The following LRP1B variants were observed in gnomAD, a reference collection of about 807,000 sequenced individuals.
LRP1B encodes low-density lipoprotein receptor-related protein 1B.
A neutral mutation model predicts 556.6 loss-of-function variants in LRP1B; 217 were observed. That is an observed-to-expected ratio of 0.39 (90% CI 0.35 to 0.44). LRP1B has a LOEUF of 0.44. Ranked by LOEUF, LRP1B falls within the 20% of genes least tolerant of loss-of-function variation. The pLI, the probability that LRP1B is intolerant of heterozygous loss-of-function variation, is 1.00. For synonymous variants in LRP1B, 2,047 were observed against 1,865.8 expected (o/e 1.10, Z -2.50); for missense variants, 5,053 against 5,620.8 (o/e 0.90, Z 3.23).
At chr2:141,599,803 G>GTTAA (rs1427334739) in intron 2 of LRP1B, among the ~76,000 whole-genome samples, 3 of 152,118 alleles carry the variant, frequency 2.0e-5, no homozygotes, top group Admixed American at 2.0e-4. Flanking sequence ...ATAAAACAAA[G>GTTAA]TTAACCCTCT....
Position 140,456,557 on chromosome 2 carries a change from C to T in LRP1B, c.9861G>A (p.Leu3287=), listed in dbSNP as rs143285554. The change falls in exon 62 of 91, where the codon TTG becomes TTA. Residue 3287 remains leucine, a synonymous_variant. Coordinates refer to ENST00000389484, the MANE Select transcript of LRP1B (RefSeq NM_018557.3). ...GGGTTTTTCCAGGGGCTAAAAGGCA[C>T]AAATGACTGCAACCACCATTATTTA... The part of the protein sequence containing the change: ...CMINNGGCSH[L]CLLAPGKTHT... 6.2e-7 allele frequency: 1 copy of T among 1,612,758 alleles called. No homozygotes were observed. Among genetic ancestry groups the T allele is most frequent in the African/African-American group, 1.3e-5 (1 of 75,010 alleles).
intron 1 of LRP1B, among the ~76,000 whole-genome samples, chr2:141,873,948 G>T (rs1269198221): frequency 6.6e-6 from 1 of 151,776 alleles, no homozygotes; most frequent in Non-Finnish European, 1.5e-5. Flanking sequence ...GCCAGATCAA[G>T]ACATACAATA....
At chr2:140,703,777 T>C (rs1274975947) in intron 37 of LRP1B, among the ~76,000 whole-genome samples, 1 of 152,156 alleles carries the variant, frequency 6.6e-6, no homozygotes, top group Non-Finnish European at 1.5e-5. Flanking sequence ...TGCTTGCTTT[T>C]CTGTTCCTGC....
chr2:141,107,035 T>C (rs1700621787), intron 7 of LRP1B, among the ~76,000 whole-genome samples: 1 of 152,162 alleles, frequency 6.6e-6, no homozygotes, highest in Non-Finnish European at 1.5e-5. Flanking sequence ...AACCAATATA[T>C]ATATTCAGTG....
At chr2:140,541,305 T>C (rs1193205508) in intron 44 of LRP1B, among the ~76,000 whole-genome samples, 3 of 152,212 alleles carry the variant, frequency 2.0e-5, no homozygotes, top group African/African-American at 7.2e-5. Context: ...TTCTAACACA[T>C]TTGATACCAC....
chr2:141,910,319 G>C (rs1699875746), intron 1 of LRP1B, among the ~76,000 whole-genome samples: 1 of 151,978 alleles, frequency 6.6e-6, no homozygotes, highest in East Asian at 1.9e-4. Context: ...TTAATGTACT[G>C]CCAAACTGAC....
chr2:140,392,934 T>C (rs1412376704), intron 66 of LRP1B, among the ~76,000 whole-genome samples: 2 of 147,508 alleles, frequency 1.4e-5, no homozygotes, highest in African/African-American at 4.9e-5. Context: ...ATATATAACT[T>C]TTTTTTTTTT....
At chr2:142,045,737 G>A (rs1185056808) in intron 1 of LRP1B, among the ~76,000 whole-genome samples, 1 of 151,766 alleles carries the variant, frequency 6.6e-6, no homozygotes, top group Non-Finnish European at 1.5e-5. Flanking sequence ...TGATCTAATT[G>A]TTCTCATTTT....
chr2:141,838,485 T>C (rs867879741), intron 1 of LRP1B, among the ~76,000 whole-genome samples: 20 of 152,194 alleles, frequency 1.3e-4, no homozygotes, highest in African/African-American at 4.6e-4. Flanking sequence ...GATTTCTTTT[T>C]GCATTTGGGA....
chr2:140,982,818 T>C (rs1382240625), intron 17 of LRP1B, among the ~76,000 whole-genome samples: 1 of 151,904 alleles, frequency 6.6e-6, no homozygotes, highest in East Asian at 1.9e-4. Context: ...GCAGTGAGAG[T>C]GCAGAGAATA....
chr2:141,479,921 T>C (rs1307521862), intron 3 of LRP1B, among the ~76,000 whole-genome samples: 1 of 152,194 alleles, frequency 6.6e-6, no homozygotes. Flanking sequence ...AAGTTAACAG[T>C]CTAATATCAT....
chr2:141,684,722 T>C lies in LRP1B; in HGVS notation c.205+125557A>G, dbSNP rs908143025. On this transcript the variant is annotated intron_variant, in intron 2 of 90. Transcript: ENST00000389484. ...AAGATGGGATTATTTAGGAAAGCTC[T>C]TTGGAGGGGCCTCTTGACTAATGGA... is the stretch of plus-strand genomic sequence containing the variant. Among the ~76,000 whole-genome samples the C allele has an allele frequency of 3.3e-5, 5 of 152,084 alleles. 1 individual carries two copies. Among genetic ancestry groups the C allele is most frequent in the African/African-American group, 9.7e-5 (4 of 41,446 alleles).
At chr2:141,490,458 A>T (rs4574055) in intron 2 of LRP1B, among the ~76,000 whole-genome samples, 1 of 151,424 alleles carries the variant, frequency 6.6e-6, no homozygotes, top group Non-Finnish European at 1.5e-5. Flanking sequence ...GCAAGTTGGC[A>T]CCTGAATCCA....
intron 37 of LRP1B, among the ~76,000 whole-genome samples, chr2:140,710,567 G>A (rs1410893384): frequency 6.6e-6 from 1 of 151,846 alleles, no homozygotes; most frequent in Admixed American, 6.6e-5. Flanking sequence ...GGGTTTAAAA[G>A]ATAAATATAA....
intron 3 of LRP1B, among the ~76,000 whole-genome samples, chr2:141,421,635 C>T (rs561004259): frequency 2.1e-4 from 32 of 151,946 alleles, no homozygotes; most frequent in Non-Finnish European, 4.1e-4. Context: ...AAAGGGCTAA[C>T]AATAATACAG....
At chr2:140,402,097 A>G (rs1357667802) in intron 66 of LRP1B, among the ~76,000 whole-genome samples, 1 of 152,142 alleles carries the variant, frequency 6.6e-6, no homozygotes, top group Admixed American at 6.5e-5. Context: ...CTCACTGGAT[A>G]GCTAAACCCA....
intron 35 of LRP1B, among the ~76,000 whole-genome samples, chr2:140,743,976 AAAAAAAAAAAAAAAAGT>A (rs1244725730): frequency 1.7e-4 from 7 of 42,164 alleles, no homozygotes; most frequent in East Asian, 1.2e-3. Context: ...AAAAAAAAAA[AAAAAAAAAAAAAAAAGT>A]AAAAAGTAAA....
At chr2:140,701,696 T>C in intron 40 of LRP1B, 25 bp downstream of exon 40, 1 of 1,596,684 alleles carries the variant, frequency 6.3e-7, no homozygotes, top group Non-Finnish European at 8.5e-7. Context: ...ATATACATAT[T>C]ATGTATTCTT....
intron 41 of LRP1B, among the ~76,000 whole-genome samples, chr2:140,629,594 G>A (rs1029013871): frequency 6.6e-6 from 1 of 152,118 alleles, no homozygotes; most frequent in Non-Finnish European, 1.5e-5. Flanking sequence ...TCATAAAATG[G>A]AATACTATGT....
Sources: allele counts gnomAD v4.1 joint callset (sites outside exome capture counted in the v4.1 genomes callset), GRCh38; gene constraint gnomAD v4.1.1; transcripts MANE v1.5; gene names NCBI Gene and HGNC (gene_info 2026-07-23, HGNC 2026-07-21).